TTLL8: variants seen among roughly 807,000 people sequenced by gnomAD.
TTLL8 encodes protein monoglycylase TTLL8.
TTLL8 carries 65 observed loss-of-function variants against 77.8 expected under a neutral mutation model. That is an observed-to-expected ratio of 0.84 (90% CI 0.68 to 1.03). The LOEUF (loss-of-function observed/expected upper bound fraction) is 1.03, where lower values mean the gene tolerates loss of function less well. TTLL8 is among the 50% of genes least tolerant of loss of function. The pLI, the probability that TTLL8 is intolerant of heterozygous loss-of-function variation, is 0.00. For synonymous variants in TTLL8, 402 were observed against 422.8 expected, an observed-to-expected ratio of 0.95 and a Z score of 0.60; for missense variants, 910 against 1,004.5, an observed-to-expected ratio of 0.91 and a Z score of 1.27.
intron 12 of TTLL8, among the ~76,000 whole-genome samples, chr22:50,021,237 G>A (rs2061196745): frequency 1.6e-5 from 2 of 125,572 alleles, no homozygotes; most frequent in African/African-American, 6.3e-5. Flanking sequence ...TCCTCCATCT[G>A]ACGACATGTA....
intron 12 of TTLL8, among the ~76,000 whole-genome samples, chr22:50,028,304 C>A (rs978558992): frequency 1.3e-5 from 2 of 152,230 alleles, no homozygotes; most frequent in African/African-American, 4.8e-5. Context: ...AACATAAACT[C>A]CTTTGGTCGG....
chr22:50,038,024 C>G (rs2061347963), intron 8 of TTLL8, among the ~76,000 whole-genome samples: 1 of 152,166 alleles, frequency 6.6e-6, no homozygotes, highest in African/African-American at 2.4e-5. Flanking sequence ...CACACACACA[C>G]ACACGTTTAT....
At chr22:50,039,374 T>C (rs1050796874) in intron 8 of TTLL8, among the ~76,000 whole-genome samples, 4 of 152,070 alleles carry the variant, frequency 2.6e-5, no homozygotes, top group African/African-American at 9.7e-5. Context: ...CTAACACGTA[T>C]GTAACTGGAG....
upstream of TTLL8, among the ~76,000 whole-genome samples, chr22:50,057,523 AGGTCTGGGTTGAGCGGGAGGTCTGGG>A (rs2061485182): frequency 1.6e-5 from 1 of 64,198 alleles, no homozygotes; most frequent in African/African-American, 6.5e-5. Context: ...TTGGGGGGTC[AGGTCTGGGTTGAGCGGGAGGTCTGGG>A]TTGGGGGTCA....
intron 10 of TTLL8, among the ~76,000 whole-genome samples, chr22:50,032,470 G>A (rs137902): frequency 0.12 from 18,852 of 152,262 alleles, 1,489 homozygotes; most frequent in Middle Eastern, 0.29. Context: ...GGTGAGGGTC[G>A]TAGCCCCTGG....
At chr22:50,052,418 G>A (rs73893121) in intron 1 of TTLL8, among the ~76,000 whole-genome samples, 5,990 of 152,236 alleles carry the variant, frequency 0.039, 393 homozygotes, top group African/African-American at 0.14. Context: ...AGGGGAAAGG[G>A]GGATTTAAAA....
upstream of TTLL8, chr22:50,057,032 T>A (rs2061474386): frequency 3.3e-6 from 4 of 1,208,392 alleles, no homozygotes; most frequent in African/African-American, 6.2e-5. Flanking sequence ...GCTCTGGGGA[T>A]GGAGAGGGTT....
At position 50,029,851 on chromosome 22, in the gene TTLL8, G is replaced by C. The variant is rs923126147; in HGVS notation, c.2203+579C>G. ...CCACGCGGGAGGAACGGCTGATGCT[G>C]CCCTGCTGGTCAGCCGCGCCCCTGC... On this transcript the variant is annotated intron_variant, in intron 12 of 13. Coordinates refer to ENST00000266182, the Ensembl canonical transcript of TTLL8. 3.3e-5 allele frequency among the ~76,000 whole-genome samples: 5 copies of C among 152,316 alleles called. No homozygotes were observed. The East Asian group carries it at 9.7e-4, about 29-fold the overall frequency.
intron 12 of TTLL8, among the ~76,000 whole-genome samples, chr22:50,019,350 T>A (rs2061182286): frequency 6.6e-6 from 1 of 152,206 alleles, no homozygotes; most frequent in Admixed American, 6.5e-5. Context: ...GGTACTGTGG[T>A]CATCAGGCTC....
At chr22:50,038,433 G>A (rs1017927626) in intron 8 of TTLL8, among the ~76,000 whole-genome samples, 5 of 151,704 alleles carry the variant, frequency 3.3e-5, no homozygotes, top group African/African-American at 9.7e-5. Flanking sequence ...GAGCAACTTC[G>A]TCTCATTCTG....
intron 3 of TTLL8, 42 bp from the exon 6 acceptor site, chr22:50,047,338 T>C (rs760812745): frequency 7.4e-7 from 1 of 1,359,418 alleles, no homozygotes; most frequent in African/African-American, 1.5e-5. Flanking sequence ...GCATTCAAGG[T>C]TCACACCAGC....
chr22:50,029,465 G>C lies in TTLL8; in HGVS notation c.2203+965C>G, dbSNP rs112040960. Among the ~76,000 whole-genome samples, 326 of 151,626 alleles carry C rather than the reference G, an allele frequency of 2.2e-3. 14 individuals are homozygous for C. Among genetic ancestry groups the C allele is most frequent in the African/African-American group, 7.6e-3 (314 of 41,206 alleles). On this transcript the variant is annotated intron_variant, in intron 12 of 13. Transcript: ENST00000266182. The stretch of plus-strand genomic sequence containing the variant: ...GTCCTAAAGACCCCCCCTATTGCCG[G>C]GCGCGGTGGCTCACGCCTGTAATCC...
At chr22:50,053,256 T>A (rs1336338602) in intron 1 of TTLL8, among the ~76,000 whole-genome samples, 1 of 147,794 alleles carries the variant, frequency 6.8e-6, no homozygotes, top group Non-Finnish European at 1.5e-5. Flanking sequence ...CTACACCAAC[T>A]GTTACATAAA....
At position 50,019,909 on chromosome 22, in the gene TTLL8, A is replaced by G. The variant is rs538783441; in HGVS notation, c.2204-3347T>C. Among the ~76,000 whole-genome samples the G allele has an allele frequency of 5.2e-5, 8 of 152,382 alleles. No homozygotes were observed. The South Asian group carries it at 1.7e-3, about 32-fold the overall frequency. On this transcript the variant is annotated intron_variant, in intron 12 of 13. Transcript: ENST00000266182. Reference sequence around the variant, plus strand: ...ACTGGCAGTCCGGAATTTTATGCAGAGAAATATGTAAAACATAAGCTTATA... The same window carrying G: ...ACTGGCAGTCCGGAATTTTATGCAGGGAAATATGTAAAACATAAGCTTATA...
rs73447938 is a variant in TTLL8, at chr22:50,036,498, G to A, written c.922-2036C>T. 2.6e-3 allele frequency among the ~76,000 whole-genome samples: 389 copies of A among 152,210 alleles called. 5 individuals carry two copies. Among genetic ancestry groups the A allele is most frequent in the African/African-American group, 9.0e-3 (374 of 41,560 alleles). On this transcript the variant is annotated intron_variant, in intron 8 of 13. Coordinates refer to ENST00000266182, the Ensembl canonical transcript of TTLL8. ...CTCAACAGGAACGGAGACCAGTTAC[G>A]GTGCTGACTATCACTGCAGACAGGG...
In TTLL8 at chr22:50,027,559, C is replaced by T. The variant is rs556685512; in HGVS notation, c.2203+2871G>A. On this transcript the variant is annotated intron_variant, in intron 12 of 13. Transcript: ENST00000266182. ...AAAAAAAAAAAAAAAAAAGGATGTC[C>T]GTTCTCCCCAAGATCTGCAGATTCA... 153 of 846,370 alleles carry T rather than the reference C, an allele frequency of 1.8e-4. 1 individual carries two copies. Among genetic ancestry groups the T allele is most frequent in the Admixed American group, 1.6e-3 (25 of 15,980 alleles). 52.4% of individuals were successfully genotyped at this position (846,370 alleles called of 1,614,324 possible).
chr22:50,022,736 G>C (rs970609169), intron 12 of TTLL8, among the ~76,000 whole-genome samples: 1 of 152,266 alleles, frequency 6.6e-6, no homozygotes, highest in Non-Finnish European at 1.5e-5. Flanking sequence ...GTCCATGTAG[G>C]TGTGGAGCAG....
intron 1 of TTLL8, among the ~76,000 whole-genome samples, chr22:50,051,809 G>A (rs372980248): frequency 8.7e-4 from 133 of 152,222 alleles, no homozygotes; most frequent in South Asian, 8.1e-3. Flanking sequence ...GCTTTTTCAC[G>A]TTTGTTGGCT....
At chr22:50,049,420 C>T in intron 2 of TTLL8, 98 bp from the exon 5 acceptor site, 1 of 1,280,302 alleles carries the variant, frequency 7.8e-7, no homozygotes, top group Non-Finnish European at 1.0e-6. Flanking sequence ...AGCGACTTTA[C>T]TTCCAGAAAC....
Sources: allele counts gnomAD v4.1 joint callset (sites outside exome capture counted in the v4.1 genomes callset), GRCh38; gene constraint gnomAD v4.1.1; transcripts MANE v1.5; gene names NCBI Gene and HGNC (gene_info 2026-07-23, HGNC 2026-07-21).